Variants in CNTNAP5 observed in about 807,000 individuals in gnomAD.
CNTNAP5 encodes the protein contactin-associated protein-like 5.
CNTNAP5 carries 72 observed loss-of-function variants against 150.2 expected under a neutral mutation model. The observed-to-expected ratio is 0.48, with a 90% CI of 0.40 to 0.58. The LOEUF is 0.58. CNTNAP5 is among the 20% of genes least tolerant of loss of function. CNTNAP5 has a pLI of 0.00. For missense variants in CNTNAP5, 1,636 were observed against 1,626.2 expected (o/e 1.01, Z -0.10); for synonymous variants, 672 against 619.8 (o/e 1.08, Z -1.25).
chr2:124,320,071 C>T (rs913179782), intron 3 of CNTNAP5, among the ~76,000 whole-genome samples: 1 of 152,204 alleles, frequency 6.6e-6, no homozygotes, highest in Non-Finnish European at 1.5e-5. Flanking sequence ...TTAGCCAACG[C>T]TCCCTGTGTG....
intron 3 of CNTNAP5, among the ~76,000 whole-genome samples, chr2:124,274,435 A>T (rs1048098896): frequency 7.2e-5 from 11 of 152,144 alleles, no homozygotes; most frequent in African/African-American, 2.7e-4. Flanking sequence ...GTAAACTGAG[A>T]TCTTTTCCCA....
At position 124,678,339 on chromosome 2, in the gene CNTNAP5, A is replaced by T. The variant is rs191649632; in HGVS notation, c.2077+30381A>T. Among the ~76,000 whole-genome samples, 517 of 151,840 alleles carry T rather than the reference A, an allele frequency of 3.4e-3. 3 individuals carry two copies. The highest frequency in any genetic ancestry group is 5.6e-3 in the Non-Finnish European group (381 of 68,008). ...ATTCTGACAATTTAACCACAGAATG[A>T]GCAATTACTGGGTGTCTTAAGCGGC... is the stretch of plus-strand genomic sequence containing the variant. On this transcript the variant is annotated intron_variant, in intron 13 of 23. Coordinates refer to ENST00000682447, the MANE Select transcript of CNTNAP5 (RefSeq NM_001367498.1).
At chr2:124,048,661 T>G (rs1449765844) in intron 1 of CNTNAP5, among the ~76,000 whole-genome samples, 1 of 152,238 alleles carries the variant, frequency 6.6e-6, no homozygotes, top group Non-Finnish European at 1.5e-5. Flanking sequence ...GTATCTTTTT[T>G]GTTGGTAAAT....
chr2:124,545,367 A>G (rs1573449655), intron 10 of CNTNAP5, among the ~76,000 whole-genome samples: 1 of 152,198 alleles, frequency 6.6e-6, no homozygotes, highest in East Asian at 1.9e-4. Flanking sequence ...TGCCTATCGC[A>G]AAGTAGAGGC....
At chr2:124,706,486 C>G (rs1679639206) in intron 13 of CNTNAP5, among the ~76,000 whole-genome samples, 1 of 152,014 alleles carries the variant, frequency 6.6e-6, no homozygotes. Flanking sequence ...GTGGCTCGTG[C>G]CTCTAATCCC....
chr2:124,179,626 A>G (rs980226639), intron 1 of CNTNAP5, among the ~76,000 whole-genome samples: 4 of 152,258 alleles, frequency 2.6e-5, no homozygotes, highest in African/African-American at 9.6e-5. Flanking sequence ...CTACCAAACC[A>G]GAGCAATCAT....
intron 15 of CNTNAP5, 88 bp from the exon 16 acceptor site, chr2:124,763,889 C>G: frequency 1.3e-6 from 2 of 1,592,604 alleles, no homozygotes; most frequent in Non-Finnish European, 1.7e-6. Flanking sequence ...GCAGTGTGCC[C>G]TAGTCTTGAA....
chr2:124,622,944 A>C (rs1264090064), intron 12 of CNTNAP5, among the ~76,000 whole-genome samples: 2 of 152,224 alleles, frequency 1.3e-5, no homozygotes, highest in African/African-American at 4.8e-5. Context: ...ATGCATTATG[A>C]TGAAGTAGCT....
At chr2:124,551,192 G>A (rs1395903794) in intron 10 of CNTNAP5, among the ~76,000 whole-genome samples, 4 of 151,996 alleles carry the variant, frequency 2.6e-5, no homozygotes, top group East Asian at 1.9e-4. Flanking sequence ...AAACTCATTC[G>A]ATCATCTTTG....
At chr2:124,892,447 A>G (rs1340925666) in intron 21 of CNTNAP5, among the ~76,000 whole-genome samples, 6 of 152,132 alleles carry the variant, frequency 3.9e-5, no homozygotes, top group African/African-American at 1.4e-4. Context: ...GCTCCATTAT[A>G]CTGGCAGCCA....
intron 1 of CNTNAP5, among the ~76,000 whole-genome samples, chr2:124,048,077 G>T (rs1681588394): frequency 6.6e-6 from 1 of 152,180 alleles, no homozygotes. Context: ...ATTTCTCTGT[G>T]TCTCTAACAC....
At chr2:124,050,388 C>T (rs974151532) in intron 1 of CNTNAP5, among the ~76,000 whole-genome samples, 17 of 151,788 alleles carry the variant, frequency 1.1e-4, no homozygotes, top group South Asian at 2.1e-4. Context: ...TGCTTGAGTC[C>T]GGGAGGTGGA....
intron 1 of CNTNAP5, among the ~76,000 whole-genome samples, chr2:124,168,708 C>T (rs1278230677): frequency 2.0e-5 from 3 of 152,034 alleles, no homozygotes; most frequent in Non-Finnish European, 2.9e-5. Context: ...ATATGTCATC[C>T]GTGATCTCAG....
intron 3 of CNTNAP5, among the ~76,000 whole-genome samples, chr2:124,245,859 T>C (rs1687008401): frequency 6.6e-6 from 1 of 151,994 alleles, no homozygotes; most frequent in African/African-American, 2.4e-5. Flanking sequence ...GCCTTCAAAG[T>C]AGCTGGGACT....
At chr2:124,428,969 C>CT (rs1452270297) in intron 4 of CNTNAP5, among the ~76,000 whole-genome samples, 4 of 152,218 alleles carry the variant, frequency 2.6e-5, no homozygotes, top group South Asian at 4.2e-4. Flanking sequence ...TACACACTTT[C>CT]TTTTTTTCCT....
intron 21 of CNTNAP5, among the ~76,000 whole-genome samples, chr2:124,870,926 G>A (rs1558807989): frequency 6.6e-6 from 1 of 152,034 alleles, no homozygotes; most frequent in Non-Finnish European, 1.5e-5. Flanking sequence ...TTCATAAAGG[G>A]TTTATAATTT....
At position 124,242,156 on chromosome 2, in the gene CNTNAP5, G is replaced by A. The variant is rs754470890; in HGVS notation, c.188-44G>A. The A allele has an allele frequency of 1.0e-5, 15 of 1,439,350 alleles. No individual in the cohort carries two copies. In the South Asian group the frequency reaches 1.6e-4, roughly 15 times the overall value. The allele number at this position is 1,439,350 out of a possible 1,614,324, so 89.2% of individuals were successfully genotyped here. On this transcript the variant is annotated intron_variant, in intron 2 of 23. Transcript: ENST00000682447. Reference sequence around the variant, plus strand: ...ATAGTTGAAAATTGTAGCTATGTGAGACATTACTACAACTCTCTCTCACTC... The same window carrying A: ...ATAGTTGAAAATTGTAGCTATGTGAAACATTACTACAACTCTCTCTCACTC...
intron 13 of CNTNAP5, among the ~76,000 whole-genome samples, chr2:124,719,754 A>G (rs193145840): frequency 2.6e-5 from 4 of 152,284 alleles, no homozygotes; most frequent in African/African-American, 7.2e-5. Context: ...ATCTTAAGAA[A>G]CATCTTTATA....
rs1050073023 is a variant in CNTNAP5 at position 124,865,530 on chromosome 2, G to A, written c.3348+94G>A. On this transcript the variant is annotated intron_variant, in intron 20 of 23. Coordinates refer to ENST00000682447, the MANE Select transcript of CNTNAP5 (RefSeq NM_001367498.1). ...CTACCCCATGCCAGTGTAGTGCCTA[G>A]TGCTGGAAACATAGTTACAAATCAC... is the stretch of plus-strand genomic sequence containing the variant. 4.3e-6 allele frequency: 5 copies of A among 1,165,998 alleles called. No individual in the cohort carries two copies. In the East Asian group the frequency reaches 7.8e-5, roughly 18 times the overall value. The allele number at this position is 1,165,998 out of a possible 1,614,324, so 72.2% of individuals were successfully genotyped here. A position where few individuals can be genotyped will look rare whatever the true frequency, so the allele number is the denominator to read the frequency against.
Sources: allele counts gnomAD v4.1 joint callset (sites outside exome capture counted in the v4.1 genomes callset), GRCh38; gene constraint gnomAD v4.1.1; transcripts MANE v1.5; gene names NCBI Gene and HGNC (gene_info 2026-07-23, HGNC 2026-07-21).